ZBTB20: variants seen among roughly 807,000 people sequenced by gnomAD.
ZBTB20 encodes zinc finger and BTB domain containing 20, also known as zinc finger and BTB domain-containing protein 20.
Under a neutral mutation model 56.9 loss-of-function variants are expected in ZBTB20, and 9 were observed. The observed-to-expected ratio is 0.16, with a 90% CI of 0.10 to 0.28. ZBTB20 has a LOEUF of 0.28. ZBTB20 is among the 10% of genes least tolerant of loss of function. ZBTB20 has a pLI of 1.00. For synonymous variants in ZBTB20, 417 were observed against 420.7 expected (o/e 0.99, Z 0.11); for missense variants, 655 against 1,003.0 (o/e 0.65, Z 4.69).
intron 2 of ZBTB20, among the ~76,000 whole-genome samples, chr3:114,981,420 G>A (rs2078321825): frequency 6.6e-6 from 1 of 152,050 alleles, no homozygotes; most frequent in Non-Finnish European, 1.5e-5. Context: ...CAAGGTATTT[G>A]AGCTTTGAAA....
chr3:114,639,757 G>C (rs2059458000), intron 6 of ZBTB20, among the ~76,000 whole-genome samples: 1 of 151,848 alleles, frequency 6.6e-6, no homozygotes, highest in Non-Finnish European at 1.5e-5. Flanking sequence ...CTCCCTCTCT[G>C]TCTCTATCAT....
At chr3:114,680,678 C>T (rs2061918779) in intron 6 of ZBTB20, among the ~76,000 whole-genome samples, 1 of 152,156 alleles carries the variant, frequency 6.6e-6, no homozygotes, top group Non-Finnish European at 1.5e-5. Flanking sequence ...AAAATGTTTT[C>T]TGTTAATTTG....
intron 2 of ZBTB20, among the ~76,000 whole-genome samples, chr3:115,059,594 A>G (rs549077014): frequency 9.2e-5 from 14 of 152,290 alleles, no homozygotes; most frequent in Non-Finnish European, 1.0e-4. Context: ...TCAGCATTCA[A>G]TAGGCTCAAG....
chr3:114,868,070 C>G (rs2075840005), intron 4 of ZBTB20, among the ~76,000 whole-genome samples: 1 of 151,950 alleles, frequency 6.6e-6, no homozygotes, highest in Non-Finnish European at 1.5e-5. Flanking sequence ...TGTGTTTCTC[C>G]CATCATCTAA....
chr3:114,554,095 TG>T (rs2050909047), intron 6 of ZBTB20, among the ~76,000 whole-genome samples: 1 of 152,170 alleles, frequency 6.6e-6, no homozygotes. Flanking sequence ...TATTCATGGA[TG>T]GGGTCACAGC....
At chr3:114,605,675 T>C (rs2057087382) in intron 6 of ZBTB20, among the ~76,000 whole-genome samples, 1 of 152,120 alleles carries the variant, frequency 6.6e-6, no homozygotes, top group African/African-American at 2.4e-5. Flanking sequence ...CATAAATAGC[T>C]GTGAGAGAAC....
At chr3:114,841,627 A>C (rs1241336680) in intron 4 of ZBTB20, among the ~76,000 whole-genome samples, 1 of 152,212 alleles carries the variant, frequency 6.6e-6, no homozygotes, top group Non-Finnish European at 1.5e-5. Context: ...GTGGAACAGT[A>C]CAGGATATGG....
intron 3 of ZBTB20, among the ~76,000 whole-genome samples, chr3:114,925,406 G>A (rs1398809809): frequency 1.3e-5 from 2 of 152,078 alleles, no homozygotes; most frequent in African/African-American, 4.8e-5. Context: ...TTTTTGCCTA[G>A]TAATTCCAAC....
At chr3:114,855,517 A>G (rs979492538) in intron 4 of ZBTB20, among the ~76,000 whole-genome samples, 6 of 152,196 alleles carry the variant, frequency 3.9e-5, no homozygotes, top group Non-Finnish European at 5.9e-5. Flanking sequence ...TATGTTCAAA[A>G]TAAATAAAAT....
chr3:114,540,706 C>T (rs912313701), intron 6 of ZBTB20, among the ~76,000 whole-genome samples: 6 of 152,198 alleles, frequency 3.9e-5, no homozygotes, highest in African/African-American at 1.2e-4. Flanking sequence ...TTATTAAGAG[C>T]CCTCCAAATT....
chr3:114,523,812 A>C (rs1559908642), intron 6 of ZBTB20, among the ~76,000 whole-genome samples: 1 of 152,220 alleles, frequency 6.6e-6, no homozygotes, highest in Admixed American at 6.5e-5. Flanking sequence ...GAGGTGTTAG[A>C]AATTTGAGAG....
intron 7 of ZBTB20, among the ~76,000 whole-genome samples, chr3:114,477,607 T>C (rs1442394604): frequency 6.7e-6 from 1 of 149,712 alleles, no homozygotes; most frequent in African/African-American, 2.5e-5. Flanking sequence ...GCGATTCTCC[T>C]GCCTCAGCCT....
intron 6 of ZBTB20, among the ~76,000 whole-genome samples, chr3:114,591,823 T>C (rs1221407097): frequency 6.6e-6 from 1 of 152,210 alleles, no homozygotes; most frequent in Non-Finnish European, 1.5e-5. Flanking sequence ...ATTGTTGTTA[T>C]TTGGACACTG....
chr3:114,609,721 G>C (rs1367109556), intron 6 of ZBTB20, among the ~76,000 whole-genome samples: 2 of 152,078 alleles, frequency 1.3e-5, no homozygotes, highest in Admixed American at 6.6e-5. Context: ...TCCTGAATGG[G>C]GTAGGGCCTG....
intron 3 of ZBTB20, among the ~76,000 whole-genome samples, chr3:114,905,586 G>A (rs915124146): frequency 2.0e-5 from 3 of 151,886 alleles, no homozygotes; most frequent in African/African-American, 7.2e-5. Context: ...TGCATGAATT[G>A]TGTTAGCTTG....
rs931428667 is a variant in ZBTB20, at chr3:114,949,733, C to T, written c.-456+24633G>A. The stretch of plus-strand genomic sequence containing the variant: ...AGTGAGCCAAGATCGCACCACTGCA[C>T]TCCAGCCTGGGCGACAGAGTAAGAC... On this transcript the variant is annotated intron_variant, in intron 3 of 11. Transcript: ENST00000675478. Among the ~76,000 whole-genome samples the T allele has an allele frequency of 5.0e-4, 75 of 149,466 alleles. 16 individuals are homozygous for T. Among genetic ancestry groups the T allele is most frequent in the African/African-American group, 1.9e-3 (74 of 38,972 alleles).
intron 6 of ZBTB20, among the ~76,000 whole-genome samples, chr3:114,628,240 C>T (rs2058750499): frequency 6.6e-6 from 1 of 152,114 alleles, no homozygotes; most frequent in South Asian, 2.1e-4. Context: ...TGTAATCTCT[C>T]TCTTTTTTTA....
At chr3:114,748,350 T>TCTCTCTGTC in intron 5 of ZBTB20, among the ~76,000 whole-genome samples, 1 of 29,512 alleles carries the variant, frequency 3.4e-5, no homozygotes, top group South Asian at 2.0e-3. Context: ...TCTTTCTTTC[T>TCTCTCTGTC]TTTCTCTCTC....
intron 1 of ZBTB20, among the ~76,000 whole-genome samples, chr3:115,126,160 T>A (rs1000049102): frequency 2.0e-5 from 3 of 152,218 alleles, no homozygotes; most frequent in Non-Finnish European, 4.4e-5. Context: ...CTGTAAGGTA[T>A]TTTTTATTTA....
Sources: gnomAD v4.1 joint callset for allele counts (sites outside exome capture counted in the v4.1 genomes callset) on GRCh38, gnomAD v4.1.1 for gene constraint, MANE v1.5 for transcripts, NCBI Gene and HGNC (gene_info 2026-07-23, HGNC 2026-07-21) for gene names.